Variants in BRME1 observed in about 807,000 individuals in gnomAD.
BRME1 encodes BRCA2 and MEILB2-associating protein 1.
Under a neutral mutation model 52.6 loss-of-function variants are expected in BRME1, and 31 were observed. The observed-to-expected ratio is 0.59, with a 90% CI of 0.44 to 0.80. The LOEUF is 0.80. BRME1 is among the 30% of genes least tolerant of loss of function. The pLI is 0.00. For missense variants in BRME1, 804 were observed against 860.3 expected, an observed-to-expected ratio of 0.93 and a Z score of 0.82; for synonymous variants, 359 against 353.6, an observed-to-expected ratio of 1.02 and a Z score of -0.17.
At chr19:13,900,138 T>A (rs1264681746) in intron 2 of BRME1, among the ~76,000 whole-genome samples, 2 of 152,150 alleles carry the variant, frequency 1.3e-5, no homozygotes, top group Non-Finnish European at 2.9e-5. Flanking sequence ...AGCAAAAAAA[T>A]ATCAATGGCA....
intron 7 of BRME1, among the ~76,000 whole-genome samples, chr19:13,884,628 CAA>C (rs35330501): frequency 1.4e-4 from 17 of 125,332 alleles, no homozygotes; most frequent in Admixed American, 2.5e-4. Flanking sequence ...GACTGTGTCT[CAA>C]AAAAAAAAAA....
Position 13,883,328 on chromosome 19 carries a change from G to A in BRME1, c.1836C>T (p.Ile612=), listed in dbSNP as rs746333435. 109 of 1,534,320 alleles carry A rather than the reference G, an allele frequency of 7.1e-5. No individual in the cohort carries two copies. The highest frequency in any genetic ancestry group is 8.7e-5 in the Non-Finnish European group (100 of 1,145,614). Residue 612 remains isoleucine, a synonymous_variant, in exon 8 of 9, where the codon ATC becomes ATT. Coordinates refer to ENST00000586783, the MANE Select transcript of BRME1 (RefSeq NM_001345843.2). The surrounding 1 kb of genome is among the most constrained non-coding windows in gnomAD (Gnocchi z 4.2). The part of the protein sequence containing the change: ...EDATNVVRGL[I]VELSNLNRLI... ...CGTACTTCAGGTTGGAGAGCTCAAC[G>A]ATGAGGCCACGCACGACGTTGGTGG... is the stretch of plus-strand genomic sequence containing the variant.
intron 2 of BRME1, among the ~76,000 whole-genome samples, chr19:13,900,828 T>C (rs1177662009): frequency 6.6e-6 from 1 of 151,648 alleles, no homozygotes; most frequent in Non-Finnish European, 1.5e-5. Flanking sequence ...CATGCCACCA[T>C]GCCCGGCTAA....
chr19:13,904,686 C>A (rs537166671), intron 2 of BRME1, among the ~76,000 whole-genome samples, 176 bp downstream of exon 2: 1 of 151,876 alleles, frequency 6.6e-6, no homozygotes, highest in Non-Finnish European at 1.5e-5. Flanking sequence ...GTGATCTGCC[C>A]GCCTCGGCCT....
At chr19:13,904,998 C>A in intron 1 of BRME1, 85 bp from the exon 2 acceptor site, 1 of 1,125,038 alleles carries the variant, frequency 8.9e-7, no homozygotes, top group Non-Finnish European at 1.3e-6. Flanking sequence ...GCAGAGGTTA[C>A]CCCTACCTCC....
chr19:13,901,433 C>T lies in BRME1; in HGVS notation c.31+3429G>A, dbSNP rs141465270. Reference sequence around the variant, plus strand: ...AAAAACATTTTATCTGGGCCAGGCACGGTGGCTCATGCCTGTAATCTTTGG... The same window carrying T: ...AAAAACATTTTATCTGGGCCAGGCATGGTGGCTCATGCCTGTAATCTTTGG... On this transcript the variant is annotated intron_variant, in intron 2 of 8. Transcript: ENST00000586783. Among the ~76,000 whole-genome samples the T allele has an allele frequency of 3.2e-3, 486 of 152,042 alleles. 5 individuals carry two copies. Among genetic ancestry groups the T allele is most frequent in the African/African-American group, 0.01 (419 of 41,488 alleles).
rs1968723093 is a variant in BRME1, at chr19:13,882,801, C to T, written c.*1G>A. The stretch of plus-strand genomic sequence containing the variant: ...AAAGGAAACACAGACCTCAAAGTGG[C>T]CTACAACTCCCTCCAGGGTGGGTCC... On this transcript the variant is annotated 3_prime_UTR_variant, in exon 9 of 9. Coordinates refer to ENST00000586783, the MANE Select transcript of BRME1 (RefSeq NM_001345843.2). The T allele has an allele frequency of 6.2e-7, 1 of 1,613,664 alleles. No individual in the cohort carries two copies.
intron 7 of BRME1, 87 bp downstream of exon 7, chr19:13,885,874 A>C: frequency 8.6e-7 from 1 of 1,162,766 alleles, no homozygotes; most frequent in Non-Finnish European, 1.3e-6. Context: ...AGGGAGGGAG[A>C]ACTGGGGTCT....
Position 13,889,114 on chromosome 19 carries a change from G to C in BRME1, c.1668+74C>G, listed in dbSNP as rs943332549. 8.0e-6 allele frequency: 11 copies of C among 1,372,480 alleles called. No homozygotes were observed. In the South Asian group the frequency reaches 1.4e-4, roughly 18 times the overall value. The allele number at this position is 1,372,480 out of a possible 1,614,324, so 85.0% of individuals were successfully genotyped here. On this transcript the variant is annotated intron_variant, in intron 6 of 8. Transcript: ENST00000586783. ...CCAGCTCCCCCTCTGCCACTGCACC[G>C]AGTGAGGAGGGGGCTTGTGGAGGTT...
chr19:13,890,406 G>A lies in BRME1; in HGVS notation c.450C>T (p.Thr150=). ...TGGCCTCCTGGAGGGGGACCCCCAGGGTCTCCACTAGCAGCTGGCATCCTG... is the reference window on the plus strand; with the variant it reads ...TGGCCTCCTGGAGGGGGACCCCCAGAGTCTCCACTAGCAGCTGGCATCCTG... The part of the protein sequence containing the change: ...QSPGCQLLVE[T]LGVPLQEATE... Residue 150 remains threonine, a synonymous_variant, in exon 6 of 9, where the codon ACC becomes ACT. Coordinates refer to ENST00000586783, the MANE Select transcript of BRME1 (RefSeq NM_001345843.2). 1 of 1,522,568 alleles carries A rather than the reference G, an allele frequency of 6.6e-7. No individual in the cohort carries two copies. The highest frequency in any genetic ancestry group is 2.3e-5 in the East Asian group (1 of 44,328). 94.3% of individuals were successfully genotyped at this position (1,522,568 alleles called of 1,614,324 possible). A position where few individuals can be genotyped will look rare whatever the true frequency, so the allele number is the denominator to read the frequency against.
chr19:13,886,640 G>A (rs189097923), intron 6 of BRME1, among the ~76,000 whole-genome samples: 71 of 152,144 alleles, frequency 4.7e-4, no homozygotes, highest in African/African-American at 1.5e-3. Flanking sequence ...GTTAAGCTCC[G>A]TTACAGTGGT....
chr19:13,889,289 C>G lies in BRME1; in HGVS notation c.1567G>C (p.Gly523Arg). 1.2e-6 allele frequency: 2 copies of G among 1,614,138 alleles called. No homozygotes were observed. The highest frequency in any genetic ancestry group is 8.5e-7 in the Non-Finnish European group (1 of 1,180,036). ...ACAGCTAAAGAGTCTGCCCAGGTGC[C>G]CTGGTCTGCAGAATGAGGCAGGTGG... ...RDHLPHSADQ[G>R]TWADSLAVEL... The change falls in exon 6 of 9, where the codon GGC (glycine) becomes CGC (arginine). Residue 523 changes from glycine (G) to arginine (R), a missense_variant. Physicochemically the swap from Gly to Arg is moderately radical, Grantham distance 125. Around this residue, in one of 3 missense-constraint regions of BRME1, gnomAD observed 552 missense variants for 561.1 expected, o/e 0.98. Coordinates refer to ENST00000586783, the MANE Select transcript of BRME1 (RefSeq NM_001345843.2).
At position 13,887,020 on chromosome 19, in the gene BRME1, C is replaced by G. The variant is rs565241334; in HGVS notation, c.1669-965G>C. On this transcript the variant is annotated intron_variant, in intron 6 of 8. Transcript: ENST00000586783. ...GCAGATTGCAGAAGCTCCATCAGTC[C>G]AAGAGTGAGTGCAAAGGATCTATGA... Among the ~76,000 whole-genome samples, 32 of 152,258 alleles carry G rather than the reference C, an allele frequency of 2.1e-4. No homozygotes were observed. In the South Asian group the frequency reaches 6.2e-3, roughly 30 times the overall value.
chr19:13,895,586 C>G (rs1438029620), intron 2 of BRME1, 40 bp from the exon 3 acceptor site: 2 of 1,566,168 alleles, frequency 1.3e-6, no homozygotes, highest in Non-Finnish European at 1.7e-6. Context: ...GTGGGGGATA[C>G]AGCCACTGCT....
chr19:13,892,875 A>G lies in BRME1; in HGVS notation c.304T>C (p.Phe102Leu), dbSNP rs1969606930. 2.5e-6 allele frequency: 4 copies of G among 1,613,612 alleles called. No individual in the cohort carries two copies. In the East Asian group the frequency reaches 8.9e-5, roughly 36 times the overall value. ...LPPSQNSFGR[F>L]VPQFAKSRKT... ...CTGGATTTTGCAAACTGGGGAACAA[A>G]CCTCCCGAATGAGTTCTGTAAACCG... Residue 102 changes from phenylalanine to leucine, a missense_variant, in exon 5 of 9, where the codon TTT becomes CTT. Physicochemically the swap from Phe to Leu is conservative, Grantham distance 22. Around this residue, in one of 3 missense-constraint regions of BRME1, gnomAD observed 234 missense variants for 258.1 expected, o/e 0.91. Coordinates refer to ENST00000586783, the MANE Select transcript of BRME1 (RefSeq NM_001345843.2).
chr19:13,891,266 C>T (rs1044166677), intron 5 of BRME1, among the ~76,000 whole-genome samples: 1 of 151,508 alleles, frequency 6.6e-6, no homozygotes, highest in African/African-American at 2.4e-5. Context: ...TCTCCTGCCT[C>T]AGCCTCCCGA....
chr19:13,900,048 T>C (rs2145219480), intron 2 of BRME1, among the ~76,000 whole-genome samples: 1 of 152,270 alleles, frequency 6.6e-6, no homozygotes, highest in Middle Eastern at 3.4e-3. Flanking sequence ...AAAATATAGC[T>C]GCTTTGTTTA....
chr19:13,886,904 G>A lies in BRME1; in HGVS notation c.1669-849C>T, dbSNP rs537935707. 3.3e-5 allele frequency among the ~76,000 whole-genome samples: 5 copies of A among 152,214 alleles called. No individual in the cohort carries two copies. The South Asian group carries it at 1.0e-3, about 32-fold the overall frequency. On this transcript the variant is annotated intron_variant, in intron 6 of 8. Transcript: ENST00000586783. ...AACTGCTTGAGCCCGGGAGGTTGAG[G>A]CTGCAGTGAGCTGTGATTGTGCCAC... is the stretch of plus-strand genomic sequence containing the variant.
At chr19:13,897,185 C>T (rs1471894714) in intron 2 of BRME1, among the ~76,000 whole-genome samples, 1 of 151,814 alleles carries the variant, frequency 6.6e-6, no homozygotes, top group African/African-American at 2.4e-5. Flanking sequence ...ACCACAGGCA[C>T]GCACCACCAC....
Sources: gnomAD v4.1 joint callset for allele counts (sites outside exome capture counted in the v4.1 genomes callset) on GRCh38, gnomAD v4.1.1 for gene constraint, gnomAD v4.1.1 regional missense constraint, Gnocchi (gnomAD v3.1) non-coding constraint, MANE v1.5 for transcripts, NCBI Gene and HGNC (gene_info 2026-07-23, HGNC 2026-07-21) for gene names.